Variants in SOX5 observed in about 807,000 individuals in gnomAD.
SOX5 encodes transcription factor SOX-5.
In SOX5, 9 loss-of-function variants were observed where a neutral mutation model predicts 92.0. That is an observed-to-expected ratio of 0.10 (90% CI 0.06 to 0.17). The LOEUF (loss-of-function observed/expected upper bound fraction) is 0.17. SOX5 is among the 10% of genes least tolerant of loss of function. The pLI is 1.00. For missense variants in SOX5, 642 were observed against 944.5 expected (o/e 0.68, Z 4.20); for synonymous variants, 344 against 336.3 (o/e 1.02, Z -0.25).
intron 2 of SOX5, among the ~76,000 whole-genome samples, chr12:24,322,826 T>A (rs1950331545): frequency 6.7e-6 from 1 of 149,816 alleles, no homozygotes; most frequent in African/African-American, 2.4e-5. Flanking sequence ...AGACAAAGTA[T>A]CAAATAATGT....
intron 4 of SOX5, among the ~76,000 whole-genome samples, chr12:24,206,954 A>C (rs1333981670): frequency 2.6e-5 from 4 of 152,336 alleles, no homozygotes. Flanking sequence ...CACCTGTGTC[A>C]GCTCCTATTT....
At chr12:24,417,909 A>G (rs1247570304) in intron 1 of SOX5, among the ~76,000 whole-genome samples, 2 of 152,224 alleles carry the variant, frequency 1.3e-5, no homozygotes, top group African/African-American at 4.8e-5. Context: ...AAGTTTAATC[A>G]TATTTCACAG....
chr12:24,090,433 A>T (rs1296127097), intron 4 of SOX5, among the ~76,000 whole-genome samples: 1 of 152,190 alleles, frequency 6.6e-6, no homozygotes, highest in East Asian at 1.9e-4. Flanking sequence ...TGACTAAATC[A>T]TCCCAAGAGC....
intron 11 of SOX5, among the ~76,000 whole-genome samples, chr12:23,558,952 G>A (rs1428918469): frequency 2.0e-5 from 3 of 152,166 alleles, no homozygotes; most frequent in East Asian, 3.9e-4. Context: ...TACATGTAGC[G>A]AAACTCGTTC....
chr12:23,855,555 CTCTT>C (rs1485940745), intron 2 of SOX5, among the ~76,000 whole-genome samples: 2 of 151,974 alleles, frequency 1.3e-5, no homozygotes, highest in African/African-American at 4.8e-5. Flanking sequence ...TTCTATCTTT[CTCTT>C]TCTTTTTCTG....
At chr12:23,960,466 TTA>T (rs771300847) in intron 4 of SOX5, among the ~76,000 whole-genome samples, 6 of 143,688 alleles carry the variant, frequency 4.2e-5, no homozygotes, top group African/African-American at 1.0e-4. Context: ...AATCCATGTT[TTA>T]TATATATATG....
At chr12:24,097,059 T>A (rs1945509991) in intron 4 of SOX5, among the ~76,000 whole-genome samples, 1 of 152,184 alleles carries the variant, frequency 6.6e-6, no homozygotes, top group African/African-American at 2.4e-5. Flanking sequence ...TTTGTTTGTT[T>A]GTTTTAAATT....
At chr12:23,868,990 A>G (rs1345660360) in intron 2 of SOX5, among the ~76,000 whole-genome samples, 1 of 152,072 alleles carries the variant, frequency 6.6e-6, no homozygotes, top group Non-Finnish European at 1.5e-5. Flanking sequence ...ACTTTTTCAC[A>G]TTAAAACATA....
At chr12:24,403,221 C>T (rs1962158994) in intron 1 of SOX5, among the ~76,000 whole-genome samples, 1 of 152,136 alleles carries the variant, frequency 6.6e-6, no homozygotes, top group East Asian at 1.9e-4. Flanking sequence ...TTCAACTTAC[C>T]TTGTGAAGCT....
rs112878907 is a variant in SOX5, at chr12:24,153,907, G to A, written c.-2+59436C>T. Among the ~76,000 whole-genome samples the A allele has an allele frequency of 2.3e-3, 345 of 152,028 alleles. 2 individuals are homozygous for A. The highest frequency in any genetic ancestry group is 8.0e-3 in the African/African-American group (332 of 41,504). On this transcript the variant is annotated intron_variant, in intron 4 of 4. Transcript: ENST00000446891. ...CACACAGACAAACCCCACTCAATAC[G>A]TGTTTATCTTCAAAGAACCTTCCTC...
intron 6 of SOX5, among the ~76,000 whole-genome samples, chr12:23,667,938 T>G (rs2084093152): frequency 6.6e-6 from 1 of 152,246 alleles, no homozygotes; most frequent in South Asian, 2.1e-4. Flanking sequence ...ATTCTGTATT[T>G]GCAAATTTGC....
At chr12:24,413,227 C>T (rs1482827806) in intron 1 of SOX5, among the ~76,000 whole-genome samples, 1 of 152,188 alleles carries the variant, frequency 6.6e-6, no homozygotes, top group Non-Finnish European at 1.5e-5. Context: ...TATTTTGCAG[C>T]TCAGTTATTT....
intron 3 of SOX5, among the ~76,000 whole-genome samples, chr12:23,770,905 T>A (rs1422490555): frequency 6.7e-6 from 1 of 149,280 alleles, no homozygotes; most frequent in African/African-American, 2.4e-5. Context: ...GTGCTTGTTT[T>A]ATAAAGCTAA....
At chr12:23,656,579 T>TGGA (rs1209429580) in intron 7 of SOX5, among the ~76,000 whole-genome samples, 1 of 152,064 alleles carries the variant, frequency 6.6e-6, no homozygotes, top group African/African-American at 2.4e-5. Flanking sequence ...TCTGAAAGTA[T>TGGA]GGAGGAAGAA....
chr12:24,378,731 T>G (rs1348315356), intron 1 of SOX5, among the ~76,000 whole-genome samples: 1 of 152,206 alleles, frequency 6.6e-6, no homozygotes, highest in African/African-American at 2.4e-5. Flanking sequence ...CTATGACATC[T>G]CACATTTTAT....
At chr12:24,141,584 A>G (rs1366299380) in intron 4 of SOX5, among the ~76,000 whole-genome samples, 3 of 152,208 alleles carry the variant, frequency 2.0e-5, no homozygotes, top group African/African-American at 7.2e-5. Flanking sequence ...GAGCCAAATG[A>G]CGTTCTGCTC....
intron 3 of SOX5, among the ~76,000 whole-genome samples, chr12:23,799,448 G>C (rs951014024): frequency 2.0e-5 from 3 of 151,844 alleles, no homozygotes; most frequent in African/African-American, 7.3e-5. Context: ...GATGTGTTTC[G>C]GGACAAAAAT....
chr12:23,555,736 G>A (rs1413191686), intron 11 of SOX5, among the ~76,000 whole-genome samples: 2 of 152,128 alleles, frequency 1.3e-5, no homozygotes, highest in African/African-American at 4.8e-5. Flanking sequence ...TAAACTTCAA[G>A]CTCAAACAAA....
At chr12:24,337,780 TA>T (rs1258114045) in intron 2 of SOX5, among the ~76,000 whole-genome samples, 2 of 152,234 alleles carry the variant, frequency 1.3e-5, no homozygotes, top group Non-Finnish European at 2.9e-5. Context: ...TGCTAATACG[TA>T]GACCTTTAAG....
Sources: allele counts gnomAD v4.1 joint callset (sites outside exome capture counted in the v4.1 genomes callset), GRCh38; gene constraint gnomAD v4.1.1; transcripts MANE v1.5; gene names NCBI Gene and HGNC (gene_info 2026-07-23, HGNC 2026-07-21).